The following GSDMC variants were observed in gnomAD, a reference collection of about 807,000 sequenced individuals.
GSDMC encodes the protein gasdermin C, also known as gasdermin-C.
Under a neutral mutation model 58.0 loss-of-function variants are expected in GSDMC, and 59 were observed. The ratio of observed to expected loss-of-function variants is 1.02; its 90% CI spans 0.82 to 1.26. The LOEUF is 1.26. GSDMC is among the 50% of genes most tolerant of loss of function. The probability of loss-of-function intolerance (pLI) is 0.00; values close to 1 mark genes in which losing one functional copy is unlikely to be tolerated. For missense variants in GSDMC, 659 were observed against 598.5 expected (o/e 1.10, Z -1.06); for synonymous variants, 241 against 220.2 (o/e 1.09, Z -0.83).
chr8:129,779,480 G>C (rs1252193481), intron 1 of GSDMC, among the ~76,000 whole-genome samples: 1 of 152,072 alleles, frequency 6.6e-6, no homozygotes, highest in Non-Finnish European at 1.5e-5. Context: ...TGGGAGGAGG[G>C]AGATGATCAG....
At chr8:129,742,350 A>G in the GSDMC span, among the ~76,000 whole-genome samples, 1 of 152,196 alleles carries the variant, frequency 6.6e-6, no homozygotes, top group Non-Finnish European at 1.5e-5. Context: ...TATTGTATAC[A>G]TATATCAAAA....
chr8:129,771,928 A>G (rs529339930), intron 3 of GSDMC, among the ~76,000 whole-genome samples: 2 of 152,328 alleles, frequency 1.3e-5, no homozygotes, highest in African/African-American at 4.8e-5. Flanking sequence ...GAAAATAGAA[A>G]GAATTCAAAT....
At chr8:129,717,098 C>T in the GSDMC span, among the ~76,000 whole-genome samples, 1 of 151,980 alleles carries the variant, frequency 6.6e-6, no homozygotes, top group Non-Finnish European at 1.5e-5. Flanking sequence ...TGTGTCTCTG[C>T]CAGGTTTTGG....
intron 4 of GSDMC, among the ~76,000 whole-genome samples, chr8:129,764,965 G>A (rs1321832234): frequency 6.6e-6 from 1 of 152,128 alleles, no homozygotes; most frequent in East Asian, 1.9e-4. Flanking sequence ...TTGGCATTGG[G>A]AAACTTAGTA....
intron 6 of GSDMC, among the ~76,000 whole-genome samples, chr8:129,753,193 C>T (rs1290515436): frequency 6.6e-6 from 1 of 152,230 alleles, no homozygotes; most frequent in Non-Finnish European, 1.5e-5. Context: ...TGCGCTACCC[C>T]ACCCCCAATC....
At chr8:129,770,840 A>T (rs1175308693) in intron 3 of GSDMC, among the ~76,000 whole-genome samples, 1 of 151,900 alleles carries the variant, frequency 6.6e-6, no homozygotes, top group Non-Finnish European at 1.5e-5. Flanking sequence ...GACAGAGTGG[A>T]TAATATATAT....
chr8:129,762,815 C>A, intron 4 of GSDMC, 84 bp from the exon 5 acceptor site: 1 of 855,470 alleles, frequency 1.2e-6, no homozygotes. Flanking sequence ...TTAGGAAAAA[C>A]ATCAGCATTC....
chr8:129,729,772 T>C, the GSDMC span: 2 of 611,326 alleles, frequency 3.3e-6, no homozygotes, highest in Admixed American at 2.7e-5. Flanking sequence ...AATAAACATA[T>C]GTGAGGCACA....
chr8:129,747,391 C>T (rs2032988136), downstream of GSDMC, among the ~76,000 whole-genome samples: 1 of 152,078 alleles, frequency 6.6e-6, no homozygotes, highest in Non-Finnish European at 1.5e-5. Context: ...GAGAAGAACT[C>T]ATTTTCTTGC....
intron 5 of GSDMC, among the ~76,000 whole-genome samples, chr8:129,761,373 T>C (rs2033654293): frequency 6.6e-6 from 1 of 152,146 alleles, no homozygotes; most frequent in Non-Finnish European, 1.5e-5. Flanking sequence ...TGTTGTCCCC[T>C]CACAGCCAAC....
At chr8:129,777,731 T>C (rs2034285224) in intron 1 of GSDMC, 140 bp from the exon 2 acceptor site, 1 of 624,386 alleles carries the variant, frequency 1.6e-6, no homozygotes, top group African/African-American at 1.8e-5. Flanking sequence ...GACTAGATTA[T>C]AACTTTCTCA....
At chr8:129,767,427 T>C (rs2033898931) in intron 3 of GSDMC, among the ~76,000 whole-genome samples, 1 of 151,510 alleles carries the variant, frequency 6.6e-6, no homozygotes, top group Non-Finnish European at 1.5e-5. Context: ...AAAGTAAAGC[T>C]GGTGACTCTG....
the GSDMC span, among the ~76,000 whole-genome samples, chr8:129,728,527 C>T: frequency 1.3e-5 from 2 of 152,248 alleles, no homozygotes; most frequent in Non-Finnish European, 2.9e-5. Context: ...CTTGTGCCTG[C>T]CATCATGGGA....
the GSDMC span, among the ~76,000 whole-genome samples, chr8:129,740,176 G>T: frequency 2.6e-5 from 4 of 151,996 alleles, no homozygotes; most frequent in South Asian, 8.3e-4. Context: ...AGAGTCAAAA[G>T]GTTTGCAAAA....
the GSDMC span, among the ~76,000 whole-genome samples, chr8:129,706,068 G>A: frequency 0.33 from 50,147 of 151,926 alleles, 8,535 homozygotes; most frequent in African/African-American, 0.39. Context: ...AGATAGGAAG[G>A]GAATTCCCTT....
At chr8:129,771,046 T>TG (rs1160476941) in intron 3 of GSDMC, among the ~76,000 whole-genome samples, 1 of 149,804 alleles carries the variant, frequency 6.7e-6, no homozygotes, top group African/African-American at 2.4e-5. Context: ...TATATATTTA[T>TG]ATATATACAT....
the GSDMC span, chr8:129,730,081 A>C: frequency 9.5e-7 from 1 of 1,055,636 alleles, no homozygotes; most frequent in Non-Finnish European, 1.4e-6. Flanking sequence ...TTTCTATTAA[A>C]ACTTTTTAAT....
At chr8:129,746,563 A>G (rs1023171233), downstream of GSDMC, among the ~76,000 whole-genome samples, 1 of 152,256 alleles carries the variant, frequency 6.6e-6, no homozygotes, top group Non-Finnish European at 1.5e-5. Context: ...GGAAAAAATG[A>G]ATCTGTAGCT....
At chr8:129,719,430 G>A in the GSDMC span, among the ~76,000 whole-genome samples, 2 of 152,208 alleles carry the variant, frequency 1.3e-5, no homozygotes, top group Non-Finnish European at 2.9e-5. Flanking sequence ...TATGGTGTAA[G>A]ATTTCAATAT....
Sources: allele counts gnomAD v4.1 joint callset (sites outside exome capture counted in the v4.1 genomes callset), GRCh38; gene constraint gnomAD v4.1.1; transcripts MANE v1.5; gene names NCBI Gene and HGNC (gene_info 2026-07-23, HGNC 2026-07-21).